Variants in TAFA2 observed in about 807,000 individuals in gnomAD.
The protein encoded by TAFA2 is TAFA chemokine like family member 2.
In TAFA2, 7 loss-of-function variants were observed where a neutral mutation model predicts 18.8. That is an observed-to-expected ratio of 0.37 (90% CI 0.21 to 0.70). The LOEUF is 0.70. TAFA2 is among the 30% of genes least tolerant of loss of function. TAFA2 has a pLI of 0.53. For synonymous variants in TAFA2, 60 were observed against 54.2 expected (o/e 1.11, Z -0.47); for missense variants, 122 against 158.1 (o/e 0.77, Z 1.23).
At chr12:61,923,751 C>T (rs747542276) in intron 1 of TAFA2, among the ~76,000 whole-genome samples, 1 of 151,910 alleles carries the variant, frequency 6.6e-6, no homozygotes, top group Admixed American at 6.6e-5. Context: ...GACGAACTGA[C>T]AGAAGTAGGC....
chr12:61,939,854 T>C (rs1350792522), intron 1 of TAFA2, among the ~76,000 whole-genome samples: 1 of 152,220 alleles, frequency 6.6e-6, no homozygotes, highest in Non-Finnish European at 1.5e-5. Flanking sequence ...AAATCTCTAA[T>C]CTTGGAGCAG....
chr12:62,060,278 G>A lies in TAFA2; in HGVS notation c.-2+130981C>T, dbSNP rs79460500. On this transcript the variant is annotated intron_variant, in intron 1 of 4. Coordinates refer to ENST00000416284, the MANE Select transcript of TAFA2 (RefSeq NM_178539.5). ...TAAATACAATCATGCATCACATAAT[G>A]ACATTTTGGTCAACAATGGGCCACA... Among the ~76,000 whole-genome samples, 583 of 152,216 alleles carry A rather than the reference G, an allele frequency of 3.8e-3. 5 individuals carry two copies. Among genetic ancestry groups the A allele is most frequent in the African/African-American group, 0.014 (561 of 41,544 alleles).
Position 62,222,761 on chromosome 12 carries a change from G to A in TAFA2, c.-130+36002C>T, listed in dbSNP as rs142958734. ...GATCTCCTGATCTCGTGATCCGCCC[G>A]CCTGGGCCTCCCAAAGTGCTGGGAT... On this transcript the variant is annotated intron_variant, in intron 1 of 5. Transcript: ENST00000551619. Among the ~76,000 whole-genome samples the A allele has an allele frequency of 5.9e-3, 893 of 151,308 alleles. 10 individuals carry two copies. Among genetic ancestry groups the A allele is most frequent in the African/African-American group, 0.02 (838 of 41,128 alleles).
chr12:61,866,726 G>A (rs1395151693), intron 2 of TAFA2, among the ~76,000 whole-genome samples: 1 of 152,054 alleles, frequency 6.6e-6, no homozygotes. Context: ...CCAAGTGGTG[G>A]TCAAAGTGGT....
At chr12:62,179,237 G>A (rs1189161789) in intron 1 of TAFA2, among the ~76,000 whole-genome samples, 1 of 152,168 alleles carries the variant, frequency 6.6e-6, no homozygotes, top group Non-Finnish European at 1.5e-5. Context: ...GGTACAAGGT[G>A]AAGAATTATG....
rs577559671 is a variant in TAFA2, at chr12:62,214,165, T to C, written c.-130+44598A>G. On this transcript the variant is annotated intron_variant, in intron 1 of 5. Coordinates refer to the TAFA2 transcript ENST00000551619. ...CCAATGTGAGAAATAATCCCCCTTA[T>C]AAGAGGCTGACTTATGGCCCCTAAC... Among the ~76,000 whole-genome samples, 43 of 152,322 alleles carry C rather than the reference T, an allele frequency of 2.8e-4. No homozygotes were observed. In the South Asian group the frequency reaches 7.9e-3, roughly 28 times the overall value.
At chr12:61,947,622 A>G (rs1309130320) in intron 1 of TAFA2, among the ~76,000 whole-genome samples, 2 of 152,058 alleles carry the variant, frequency 1.3e-5, no homozygotes, top group Non-Finnish European at 2.9e-5. Flanking sequence ...AGCCCACTCT[A>G]ATTCACTGGG....
In TAFA2 at chr12:62,165,939, T is replaced by TCA. The variant is rs34593506; in HGVS notation, c.-2+25318_-2+25319dup. Among the ~76,000 whole-genome samples the TCA allele has an allele frequency of 1.6e-3, 229 of 139,430 alleles. 2 individuals carry two copies. The East Asian group carries it at 0.022, about 13-fold the overall frequency. The allele number at this position is 139,430 out of a possible 152,430, so 91.5% of individuals were successfully genotyped here. On this transcript the variant is annotated intron_variant, in intron 1 of 4. Coordinates refer to ENST00000416284, the MANE Select transcript of TAFA2 (RefSeq NM_178539.5). The stretch of plus-strand genomic sequence containing the variant: ...CTCTTCCTCTCTCTCTCTCTCTCTC[T>TCA]CACACACACACACACACACACACAC...
chr12:61,905,076 C>A (rs915334909), intron 1 of TAFA2, among the ~76,000 whole-genome samples: 4 of 152,086 alleles, frequency 2.6e-5, no homozygotes, highest in African/African-American at 9.7e-5. Context: ...TTCTGGATCT[C>A]TACTTTATAA....
At chr12:61,760,568 T>C (rs2120788261) in intron 2 of TAFA2, among the ~76,000 whole-genome samples, 1 of 151,786 alleles carries the variant, frequency 6.6e-6, no homozygotes, top group South Asian at 2.1e-4. Context: ...AACTGCTCAG[T>C]ATGTGGTATG....
At chr12:61,979,033 T>G (rs74096150) in intron 1 of TAFA2, among the ~76,000 whole-genome samples, 2,751 of 152,202 alleles carry the variant, frequency 0.018, 83 homozygotes, top group African/African-American at 0.063. Flanking sequence ...ATAATACGCA[T>G]TGCTTCTTCA....
At chr12:61,721,841 G>A (rs559430651) in intron 4 of TAFA2, among the ~76,000 whole-genome samples, 2 of 152,130 alleles carry the variant, frequency 1.3e-5, no homozygotes, top group South Asian at 2.1e-4. Context: ...CCTGATCCCA[G>A]CTACTCTGGA....
chr12:62,189,241 C>T (rs917543528), intron 1 of TAFA2, among the ~76,000 whole-genome samples: 4 of 152,212 alleles, frequency 2.6e-5, no homozygotes, highest in South Asian at 2.1e-4. Flanking sequence ...AAGCCATTTG[C>T]CTCTTAAAAG....
chr12:61,995,608 A>C (rs1880159025), intron 1 of TAFA2, among the ~76,000 whole-genome samples: 1 of 152,170 alleles, frequency 6.6e-6, no homozygotes, highest in Admixed American at 6.5e-5. Flanking sequence ...GGTACTCAGC[A>C]AACACATGTT....
chr12:61,963,360 G>C (rs546530899), intron 1 of TAFA2, among the ~76,000 whole-genome samples: 1 of 151,804 alleles, frequency 6.6e-6, no homozygotes, highest in Non-Finnish European at 1.5e-5. Context: ...ATCATCTGTC[G>C]TTTCCTGACT....
At chr12:61,935,292 C>T (rs887185507) in intron 1 of TAFA2, among the ~76,000 whole-genome samples, 1 of 152,150 alleles carries the variant, frequency 6.6e-6, no homozygotes, top group Admixed American at 6.5e-5. Flanking sequence ...CCCAGAAACA[C>T]AATCTGTTTC....
chr12:62,248,147 G>T (rs761235181), intron 1 of TAFA2, among the ~76,000 whole-genome samples: 23 of 152,326 alleles, frequency 1.5e-4, no homozygotes, highest in Non-Finnish European at 2.6e-4. Context: ...TGAATACCAG[G>T]TCACCACACA....
chr12:62,245,919 TTATATA>T (rs568026560), intron 1 of TAFA2, among the ~76,000 whole-genome samples: 211 of 150,686 alleles, frequency 1.4e-3, no homozygotes, highest in African/African-American at 4.9e-3. Flanking sequence ...TCATCTTTTC[TTATATA>T]TATATAAGAC....
chr12:61,726,513 G>T (rs1870174470), intron 4 of TAFA2, among the ~76,000 whole-genome samples: 1 of 151,938 alleles, frequency 6.6e-6, no homozygotes, highest in African/African-American at 2.4e-5. Context: ...AAGTAGTCAA[G>T]TTCTTGATTG....
Sources: allele counts gnomAD v4.1 joint callset (sites outside exome capture counted in the v4.1 genomes callset), GRCh38; gene constraint gnomAD v4.1.1; transcripts MANE v1.5; gene names NCBI Gene and HGNC (gene_info 2026-07-23, HGNC 2026-07-21).